Variants in EPB41L4A observed in about 807,000 individuals in gnomAD.
The protein encoded by EPB41L4A is erythrocyte membrane protein band 4.1 like 4A, also known as band 4.1-like protein 4A.
In EPB41L4A, 100 loss-of-function variants were observed where a neutral mutation model predicts 108.6. That is an observed-to-expected ratio of 0.92 (90% CI 0.78 to 1.09). The LOEUF (loss-of-function observed/expected upper bound fraction) is 1.09. Ranked by LOEUF, EPB41L4A falls within the 50% of genes least tolerant of loss-of-function variation. The pLI is 0.00. For missense variants in EPB41L4A, 1,030 were observed against 842.7 expected, an observed-to-expected ratio of 1.22 and a Z score of -2.75; for synonymous variants, 319 against 289.0, an observed-to-expected ratio of 1.10 and a Z score of -1.05.
chr5:112,409,612 C>T lies in EPB41L4A; in HGVS notation c.99+9329G>A, dbSNP rs189026612. On this transcript the variant is annotated intron_variant, in intron 1 of 22. Coordinates refer to ENST00000261486, the MANE Select transcript of EPB41L4A (RefSeq NM_022140.5). ...CCTTCTCTTTCTCAGATTATGTCAACGTAAAGATACTTTTTCTTATTCAGA... is the reference window on the plus strand; with the variant it reads ...CCTTCTCTTTCTCAGATTATGTCAATGTAAAGATACTTTTTCTTATTCAGA... Among the ~76,000 whole-genome samples the T allele has an allele frequency of 4.2e-3, 634 of 152,244 alleles. 6 individuals carry two copies. The highest frequency in any genetic ancestry group is 0.014 in the African/African-American group (572 of 41,538).
At chr5:112,373,117 G>C (rs558106387) in intron 1 of EPB41L4A, among the ~76,000 whole-genome samples, 3 of 152,280 alleles carry the variant, frequency 2.0e-5, no homozygotes, top group Admixed American at 6.5e-5. Context: ...GACTGAGCAG[G>C]AACTCCTGCT....
At chr5:112,387,263 C>G (rs1001260421) in intron 1 of EPB41L4A, among the ~76,000 whole-genome samples, 7 of 152,216 alleles carry the variant, frequency 4.6e-5, no homozygotes, top group Non-Finnish European at 7.3e-5. Context: ...CTCCCGGACC[C>G]TGTGCAAACC....
At chr5:112,316,904 C>T (rs1033212929) in intron 1 of EPB41L4A, among the ~76,000 whole-genome samples, 7 of 152,172 alleles carry the variant, frequency 4.6e-5, no homozygotes, top group African/African-American at 1.7e-4. Context: ...GGGCCACTCA[C>T]CCTCTAAGCA....
At chr5:112,222,252 T>C (rs1410486169) in intron 12 of EPB41L4A, among the ~76,000 whole-genome samples, 1 of 152,250 alleles carries the variant, frequency 6.6e-6, no homozygotes, top group African/African-American at 2.4e-5. Context: ...AAGTTGTATA[T>C]TTTCAAATCA....
chr5:112,170,177 A>G (rs1340762928), intron 20 of EPB41L4A, 124 bp downstream of exon 20: 1 of 888,830 alleles, frequency 1.1e-6, no homozygotes, highest in Non-Finnish European at 1.8e-6. Flanking sequence ...CGCTACTGTC[A>G]CCTAGTTTTG....
intron 1 of EPB41L4A, among the ~76,000 whole-genome samples, chr5:112,381,905 G>C (rs1263988421): frequency 1.3e-5 from 2 of 152,324 alleles, no homozygotes; most frequent in Non-Finnish European, 2.9e-5. Flanking sequence ...CAGAAGACTG[G>C]GTAACCTCCC....
chr5:112,409,103 GAATA>G (rs1466230327), intron 1 of EPB41L4A, among the ~76,000 whole-genome samples: 2 of 152,016 alleles, frequency 1.3e-5, no homozygotes, highest in African/African-American at 2.4e-5. Flanking sequence ...ACTGATGAAA[GAATA>G]AATAAAATAT....
chr5:112,325,528 G>C (rs1250272010), intron 1 of EPB41L4A, among the ~76,000 whole-genome samples: 1 of 151,880 alleles, frequency 6.6e-6, no homozygotes, highest in African/African-American at 2.4e-5. Context: ...TAAAAGCAGA[G>C]TAGAGTTTTA....
intron 2 of EPB41L4A, among the ~76,000 whole-genome samples, chr5:112,295,249 G>C (rs192995742): frequency 6.6e-6 from 1 of 152,160 alleles, no homozygotes; most frequent in Non-Finnish European, 1.5e-5. Flanking sequence ...GAGGTGAGAT[G>C]ATGTAGTTGG....
chr5:112,245,336 T>G (rs935888716), intron 9 of EPB41L4A, among the ~76,000 whole-genome samples: 1 of 152,150 alleles, frequency 6.6e-6, no homozygotes, highest in Non-Finnish European at 1.5e-5. Context: ...CTCATAAACA[T>G]AAAACAATCA....
intron 13 of EPB41L4A, among the ~76,000 whole-genome samples, chr5:112,206,699 G>C (rs1403696484): frequency 1.3e-5 from 2 of 152,284 alleles, no homozygotes; most frequent in East Asian, 3.9e-4. Context: ...GTATACAAAA[G>C]TTAAAGAATA....
At chr5:112,176,212 G>A (rs1760853543) in intron 18 of EPB41L4A, among the ~76,000 whole-genome samples, 1 of 152,170 alleles carries the variant, frequency 6.6e-6, no homozygotes, top group South Asian at 2.1e-4. Flanking sequence ...GGAAGCTCAT[G>A]GGGATCAGGT....
In EPB41L4A at chr5:112,408,714, AAAAAG is replaced by A. The variant is rs1762238736; in HGVS notation, c.99+10222_99+10226del. On this transcript the variant is annotated intron_variant, in intron 1 of 22. Transcript: ENST00000261486. ...AAAAAAAAAAAAAAAAAAAAAAAAA[AAAAAG>A]GGCCAGTAAGCACAAGAAAAGATGC... 3.2e-4 allele frequency among the ~76,000 whole-genome samples: 18 copies of A among 55,572 alleles called. 6 individuals are homozygous for A. The highest frequency in any genetic ancestry group is 1.3e-3 in the South Asian group (2 of 1,548). 36.5% of individuals were successfully genotyped at this position (55,572 alleles called of 152,430 possible).
downstream of EPB41L4A, chr5:112,160,566 C>T (rs138999980): frequency 6.6e-6 from 1 of 152,566 alleles, no homozygotes; most frequent in East Asian, 1.9e-4. Flanking sequence ...CCTTTGGGCT[C>T]CTGCCGCTGC....
intron 2 of EPB41L4A, among the ~76,000 whole-genome samples, chr5:112,294,613 G>C (rs13436884): frequency 0.049 from 7,390 of 152,066 alleles, 255 homozygotes; most frequent in Non-Finnish European, 0.071. Context: ...TGATAAACAA[G>C]ATTTAAACAA....
intron 1 of EPB41L4A, among the ~76,000 whole-genome samples, chr5:112,320,696 C>T (rs533592458): frequency 2.4e-4 from 37 of 152,252 alleles, no homozygotes; most frequent in Non-Finnish European, 2.8e-4. Flanking sequence ...GTATTTAAGA[C>T]AGAGGTCACA....
intron 12 of EPB41L4A, among the ~76,000 whole-genome samples, chr5:112,150,999 T>C (rs1759443254): frequency 6.6e-6 from 1 of 152,224 alleles, no homozygotes; most frequent in African/African-American, 2.4e-5. Flanking sequence ...TTTGTTAAAA[T>C]ATAAATTGCT....
Position 112,361,710 on chromosome 5 carries a change from A to AAT in EPB41L4A, c.100-54221_100-54220insAT, listed in dbSNP as rs1561607631. Among the ~76,000 whole-genome samples the AAT allele has an allele frequency of 8.8e-4, 124 of 140,702 alleles. 1 individual carries two copies. The highest frequency in any genetic ancestry group is 1.2e-3 in the African/African-American group (47 of 38,344). 92.3% of individuals were successfully genotyped at this position (140,702 alleles called of 152,430 possible). A position where few individuals can be genotyped will look rare whatever the true frequency, so the allele number is the denominator to read the frequency against. ...AAAGAACACCAAAAATGCTAAAAAA[A>AAT]AATAATAATAATAATAATAATAATA... On this transcript the variant is annotated intron_variant, in intron 1 of 22. Transcript: ENST00000261486.
intron 1 of EPB41L4A, among the ~76,000 whole-genome samples, chr5:112,313,863 T>TTTA (rs1305661604): frequency 1.8e-4 from 25 of 139,608 alleles, no homozygotes; most frequent in African/African-American, 6.8e-4. Context: ...ACTTTCTTTT[T>TTTA]TTTTTTTTTT....
Sources: allele counts gnomAD v4.1 joint callset (sites outside exome capture counted in the v4.1 genomes callset), GRCh38; gene constraint gnomAD v4.1.1; transcripts MANE v1.5; gene names NCBI Gene and HGNC (gene_info 2026-07-23, HGNC 2026-07-21).